SLC24A2: variants seen among roughly 807,000 people sequenced by gnomAD.
The protein encoded by SLC24A2 is sodium/potassium/calcium exchanger 2.
In SLC24A2, 36 loss-of-function variants were observed where a neutral mutation model predicts 62.0. The ratio of observed to expected loss-of-function variants is 0.58; its 90% CI spans 0.44 to 0.77. The LOEUF is 0.77. Ranked by LOEUF, SLC24A2 falls within the 30% of genes least tolerant of loss-of-function variation. The pLI is 0.00. For missense variants in SLC24A2, 846 were observed against 817.9 expected (o/e 1.03, Z -0.42); for synonymous variants, 358 against 294.0 (o/e 1.22, Z -2.23).
At chr9:20,026,524 T>C in the SLC24A2 span, among the ~76,000 whole-genome samples, 1 of 152,148 alleles carries the variant, frequency 6.6e-6, no homozygotes, top group East Asian at 1.9e-4. Context: ...CGTGCCCCAG[T>C]TAATGGCATC....
chr9:19,868,303 A>C, the SLC24A2 span, among the ~76,000 whole-genome samples: 1 of 152,078 alleles, frequency 6.6e-6, no homozygotes, highest in African/African-American at 2.4e-5. Flanking sequence ...TCTATTGTGA[A>C]TCTAATTTAA....
At chr9:20,278,174 T>C in the SLC24A2 span, among the ~76,000 whole-genome samples, 5 of 152,126 alleles carry the variant, frequency 3.3e-5, no homozygotes, top group African/African-American at 1.2e-4. Flanking sequence ...ACATGGCACA[T>C]GTATACATAT....
the SLC24A2 span, among the ~76,000 whole-genome samples, chr9:20,113,752 T>A: frequency 6.6e-6 from 1 of 152,216 alleles, no homozygotes; most frequent in Admixed American, 6.5e-5. Context: ...TCAATTATTC[T>A]TCATAAACTA....
rs139625324 is a variant in SLC24A2, at chr9:19,554,505, G to A, written c.1348-4237C>T. Among the ~76,000 whole-genome samples, 343 of 152,224 alleles carry A rather than the reference G, an allele frequency of 2.3e-3. 2 individuals are homozygous for A. Among genetic ancestry groups the A allele is most frequent in the African/African-American group, 7.2e-3 (299 of 41,536 alleles). ...GGGGATCTTGGAACCAGTCCCCCAC[G>A]GATAGCAAGGGATGACAGTACTGCC... On this transcript the variant is annotated intron_variant, in intron 7 of 10. Coordinates refer to ENST00000341998, the MANE Select transcript of SLC24A2 (RefSeq NM_020344.4).
the SLC24A2 span, among the ~76,000 whole-genome samples, chr9:20,093,003 G>T: frequency 6.6e-6 from 1 of 151,980 alleles, no homozygotes; most frequent in Non-Finnish European, 1.5e-5. Flanking sequence ...TCTGTTTAAT[G>T]ATTTCTTATG....
chr9:20,217,521 G>A, the SLC24A2 span, among the ~76,000 whole-genome samples: 1 of 152,142 alleles, frequency 6.6e-6, no homozygotes, highest in Non-Finnish European at 1.5e-5. Context: ...GAATAATGAA[G>A]AACAAGCTGG....
At chr9:19,885,029 T>C in the SLC24A2 span, among the ~76,000 whole-genome samples, 1 of 152,206 alleles carries the variant, frequency 6.6e-6, no homozygotes, top group Non-Finnish European at 1.5e-5. Context: ...ACTAGAATTT[T>C]TTCAGGATGC....
the SLC24A2 span, among the ~76,000 whole-genome samples, chr9:19,890,120 C>T: frequency 1.3e-5 from 2 of 152,150 alleles, no homozygotes; most frequent in South Asian, 2.1e-4. Context: ...CTATCATAAT[C>T]GCCTTAAAAA....
In SLC24A2 at chr9:19,525,386, CTTTACTTTTTTTTTT is replaced by C. The variant is rs1233696548; in HGVS notation, c.1569+2648_1569+2662del. Among the ~76,000 whole-genome samples, 11 of 47,200 alleles carry C rather than the reference CTTTACTTTTTTTTTT, an allele frequency of 2.3e-4. No individual in the cohort carries two copies. The East Asian group carries it at 5.8e-3, about 25-fold the overall frequency. The allele number at this position is 47,200 out of a possible 152,430, so 31.0% of individuals were successfully genotyped here. On this transcript the variant is annotated intron_variant, in intron 9 of 10. Transcript: ENST00000341998. ...TCTGCAAGGTTTTTTTTTCCTATTT[CTTTACTTTTTTTTTT>C]TTTTTTTTTTTTTTTTTTAAAAGAC... is the stretch of plus-strand genomic sequence containing the variant.
intron 4 of SLC24A2, among the ~76,000 whole-genome samples, chr9:19,617,975 G>A (rs942446070): frequency 1.3e-5 from 2 of 152,212 alleles, no homozygotes; most frequent in Non-Finnish European, 2.9e-5. Context: ...AGTGCTGCAG[G>A]AGGGAGAGCA....
chr9:20,122,954 T>C, the SLC24A2 span, among the ~76,000 whole-genome samples: 1 of 152,206 alleles, frequency 6.6e-6, no homozygotes, highest in Non-Finnish European at 1.5e-5. Flanking sequence ...ATTTCAGCTC[T>C]TGTCTTAAAG....
Position 19,756,795 on chromosome 9 carries a change from T to C in SLC24A2, c.930+29142A>G, listed in dbSNP as rs982307762. Among the ~76,000 whole-genome samples the C allele has an allele frequency of 1.1e-4, 16 of 152,082 alleles. 1 individual carries two copies. The South Asian group carries it at 2.5e-3, about 24-fold the overall frequency. On this transcript the variant is annotated intron_variant, in intron 2 of 10. Coordinates refer to ENST00000341998, the MANE Select transcript of SLC24A2 (RefSeq NM_020344.4). ...TCGGAAAAAGATGATGTTTCTCTAG[T>C]CTTTCTCTAGCAAATGCTCAAGTTT... is the stretch of plus-strand genomic sequence containing the variant.
chr9:20,115,562 C>G, the SLC24A2 span, among the ~76,000 whole-genome samples: 124 of 152,226 alleles, frequency 8.1e-4, no homozygotes, highest in East Asian at 0.019. Flanking sequence ...AATGCCTGTA[C>G]AATGAACAGA....
chr9:19,720,837 ATGTG>A (rs10692458), intron 2 of SLC24A2, among the ~76,000 whole-genome samples: 8,279 of 140,370 alleles, frequency 0.059, 423 homozygotes, highest in African/African-American at 0.14. Flanking sequence ...ATGTGGAATG[ATGTG>A]TGTGTGTGTG....
At chr9:19,910,486 A>C in the SLC24A2 span, among the ~76,000 whole-genome samples, 29 of 152,152 alleles carry the variant, frequency 1.9e-4, no homozygotes, top group African/African-American at 6.5e-4. Flanking sequence ...CCCCTCAAAA[A>C]CATTCTCAAT....
chr9:19,558,835 T>G (rs1389757121), intron 7 of SLC24A2, among the ~76,000 whole-genome samples: 1 of 152,346 alleles, frequency 6.6e-6, no homozygotes, highest in East Asian at 1.9e-4. Flanking sequence ...GTTTTATTTT[T>G]CCAATTAGGT....
chr9:19,559,664 C>T lies in SLC24A2; in HGVS notation c.1348-9396G>A, dbSNP rs532402202. Among the ~76,000 whole-genome samples the T allele has an allele frequency of 8.6e-5, 13 of 152,044 alleles. No individual in the cohort carries two copies. In the South Asian group the frequency reaches 2.3e-3, roughly 27 times the overall value. The stretch of plus-strand genomic sequence containing the variant: ...ACAACTATTTGCCAAATGAAAGGTG[C>T]CCCCCCAGAAACATTCCATAGAACA... On this transcript the variant is annotated intron_variant, in intron 7 of 10. Transcript: ENST00000341998.
the SLC24A2 span, among the ~76,000 whole-genome samples, chr9:20,177,577 A>G: frequency 1.3e-5 from 2 of 152,140 alleles, no homozygotes; most frequent in African/African-American, 4.8e-5. Flanking sequence ...TGTTTGGAAC[A>G]TATAGAGTCA....
the SLC24A2 span, among the ~76,000 whole-genome samples, chr9:20,201,177 T>A: frequency 6.6e-6 from 1 of 152,194 alleles, no homozygotes. Flanking sequence ...TCACAGCTAA[T>A]AGCTATCATG....
Sources: gnomAD v4.1 joint callset for allele counts (sites outside exome capture counted in the v4.1 genomes callset) on GRCh38, gnomAD v4.1.1 for gene constraint, MANE v1.5 for transcripts, NCBI Gene and HGNC (gene_info 2026-07-23, HGNC 2026-07-21) for gene names.